FCHSD2: variants seen among roughly 807,000 people sequenced by gnomAD.
FCHSD2 encodes the protein F-BAR and double SH3 domains protein 2.
Under a neutral mutation model 108.1 loss-of-function variants are expected in FCHSD2, and 38 were observed. The observed-to-expected ratio is 0.35, with a 90% CI of 0.27 to 0.46. The LOEUF is 0.46. Among genes scored for constraint, FCHSD2 ranks in the 20% least tolerant of loss-of-function variants. The probability of loss-of-function intolerance (pLI) is 1.00; values close to 1 mark genes in which losing one functional copy is unlikely to be tolerated. For missense variants in FCHSD2, 751 were observed against 897.8 expected (o/e 0.84, Z 2.09); for synonymous variants, 279 against 314.7 (o/e 0.89, Z 1.20).
chr11:72,989,918 C>T (rs1857378586), intron 5 of FCHSD2, among the ~76,000 whole-genome samples: 1 of 152,110 alleles, frequency 6.6e-6, no homozygotes, highest in South Asian at 2.1e-4. Context: ...CAGGAGGAGA[C>T]ACTGGTGAAG....
At position 72,902,560 on chromosome 11, in the gene FCHSD2, G is replaced by C. The variant is rs1306986639; in HGVS notation, c.907C>G (p.Pro303Ala). The change falls in exon 10 of 20, where the codon CCT becomes GCT. Residue 303 changes from proline to alanine, a missense_variant. Pro to Ala is a conservative substitution (Grantham distance 27). Coordinates refer to ENST00000409418, the MANE Select transcript of FCHSD2 (RefSeq NM_014824.3). ...FHKPQPFQFQ[P>A]CDSDTSRQLE... The stretch of plus-strand genomic sequence containing the variant: ...TCCCTTACAGTATCACTGTCACAAG[G>C]CTGGAACTGGAAGGGCTGGGGTTTG... 6.3e-6 allele frequency: 10 copies of C among 1,583,232 alleles called. No homozygotes were observed. The highest frequency in any genetic ancestry group is 7.7e-6 in the Non-Finnish European group (9 of 1,163,162).
intron 2 of FCHSD2, among the ~76,000 whole-genome samples, chr11:73,100,334 TTTGTTGTTGTTGTTGTTGTTG>T (rs56104404): frequency 1.3e-5 from 2 of 148,952 alleles, no homozygotes; most frequent in Admixed American, 6.7e-5. Context: ...TTTACATGCT[TTTGTTGTTGTTGTTGTTGTTG>T]TTGTTGTTGT....
intron 8 of FCHSD2, among the ~76,000 whole-genome samples, chr11:72,947,126 A>G (rs960738373): frequency 2.0e-5 from 3 of 152,248 alleles, no homozygotes; most frequent in African/African-American, 7.2e-5. Context: ...CATGGGGCCA[A>G]CATCTCTTAA....
chr11:73,099,626 G>A (rs926973724), intron 2 of FCHSD2, among the ~76,000 whole-genome samples: 1 of 152,236 alleles, frequency 6.6e-6, no homozygotes, highest in African/African-American at 2.4e-5. Flanking sequence ...CACAAATGCA[G>A]TAAAACACTG....
At chr11:72,887,678 C>A in intron 11 of FCHSD2, 104 bp from the exon 12 acceptor site, 1 of 668,510 alleles carries the variant, frequency 1.5e-6, no homozygotes, top group Non-Finnish European at 2.4e-6. Flanking sequence ...TGACTAGTAG[C>A]CATAATTTTT....
rs1426451027 is a variant in FCHSD2, at chr11:73,140,058, G to C, written c.92C>G (p.Ala31Gly). The C allele has an allele frequency of 4.5e-6, 7 of 1,544,400 alleles. No individual in the cohort carries two copies. Among genetic ancestry groups the C allele is most frequent in the Non-Finnish European group, 5.2e-6 (6 of 1,142,908 alleles). ...CATATCTTCAAGCAAATCACATTCT[G>C]CTTGATGTTTGGCTTGAAGTTTTGT... ...QMTKLQAKHQ[A>G]ECDLLEDMRT... Residue 31 changes from alanine (A) to glycine (G), a missense_variant, in exon 2 of 20, where the codon GCA becomes GGA. Coordinates refer to ENST00000409418, the MANE Select transcript of FCHSD2 (RefSeq NM_014824.3).
chr11:72,908,172 G>A (rs1165430239), intron 9 of FCHSD2, among the ~76,000 whole-genome samples: 2 of 152,130 alleles, frequency 1.3e-5, no homozygotes, highest in East Asian at 3.8e-4. Flanking sequence ...TTAACATAAT[G>A]ACCTCCAGTT....
At chr11:72,849,516 A>G (rs1026453973) in intron 14 of FCHSD2, among the ~76,000 whole-genome samples, 5 of 152,204 alleles carry the variant, frequency 3.3e-5, no homozygotes, top group East Asian at 1.9e-4. Context: ...CTGAGCTTCA[A>G]TGAGGAGCAG....
chr11:72,892,107 T>C (rs912678464), intron 10 of FCHSD2, among the ~76,000 whole-genome samples: 1 of 152,212 alleles, frequency 6.6e-6, no homozygotes, highest in Admixed American at 6.5e-5. Flanking sequence ...AGGCAACTGA[T>C]AGAGACATTT....
intron 12 of FCHSD2, among the ~76,000 whole-genome samples, chr11:72,879,999 CAAAAAAAAAAAAAA>C (rs541384964): frequency 1.6e-5 from 1 of 63,178 alleles, no homozygotes; most frequent in Admixed American, 1.9e-4. Context: ...AATTCTGTCT[CAAAAAAAAAAAAAA>C]AAAAAAAAGT....
chr11:73,113,229 T>C (rs1438163400), intron 2 of FCHSD2, among the ~76,000 whole-genome samples: 1 of 152,116 alleles, frequency 6.6e-6, no homozygotes, highest in Non-Finnish European at 1.5e-5. Context: ...TTATCTCGAA[T>C]TTCTTAGAGT....
chr11:72,962,900 G>A (rs1233082614), intron 8 of FCHSD2, among the ~76,000 whole-genome samples: 1 of 152,126 alleles, frequency 6.6e-6, no homozygotes, highest in Admixed American at 6.5e-5. Context: ...CTCTGGATGA[G>A]TGACAGTATT....
At position 72,867,856 on chromosome 11, in the gene FCHSD2, A is replaced by G; in HGVS notation, c.1308+9T>C. On this transcript the variant is annotated intron_variant, in intron 13 of 19. Coordinates refer to ENST00000409418, the MANE Select transcript of FCHSD2 (RefSeq NM_014824.3). ...ATCAACTTGTCATATCCAAGAAAAGAAATCGTACCGAGTGTAAAGTGCCAT... is the reference window on the plus strand; with the variant it reads ...ATCAACTTGTCATATCCAAGAAAAGGAATCGTACCGAGTGTAAAGTGCCAT... 6.2e-7 allele frequency: 1 copy of G among 1,608,980 alleles called. No individual in the cohort carries two copies. Among genetic ancestry groups the G allele is most frequent in the Middle Eastern group, 1.7e-4 (1 of 6,050 alleles).
intron 2 of FCHSD2, among the ~76,000 whole-genome samples, chr11:73,121,178 C>A (rs560674816): frequency 6.6e-6 from 1 of 151,938 alleles, no homozygotes; most frequent in Non-Finnish European, 1.5e-5. Context: ...TACACATACA[C>A]ACACACACAC....
At chr11:73,078,796 G>C (rs1796730958) in intron 3 of FCHSD2, among the ~76,000 whole-genome samples, 1 of 152,134 alleles carries the variant, frequency 6.6e-6, no homozygotes, top group Non-Finnish European at 1.5e-5. Flanking sequence ...ACAGCTCACT[G>C]CAGCCTTGAA....
intron 2 of FCHSD2, among the ~76,000 whole-genome samples, chr11:73,110,385 C>G (rs549681651): frequency 6.6e-6 from 1 of 152,126 alleles, no homozygotes; most frequent in South Asian, 2.1e-4. Flanking sequence ...TTGCTCTGTT[C>G]AGGTTTTGGA....
At chr11:73,051,651 T>A (rs1858900056) in intron 3 of FCHSD2, among the ~76,000 whole-genome samples, 1 of 152,176 alleles carries the variant, frequency 6.6e-6, no homozygotes, top group Non-Finnish European at 1.5e-5. Context: ...CTATGGGTTA[T>A]CTGCAGAGAT....
rs141562392 is a variant in FCHSD2, at chr11:72,951,379, G to A, written c.706-29429C>T. 5.0e-4 allele frequency among the ~76,000 whole-genome samples: 76 copies of A among 152,234 alleles called. 1 individual carries two copies. Among genetic ancestry groups the A allele is most frequent in the Non-Finnish European group, 5.9e-5 (4 of 68,012 alleles). On this transcript the variant is annotated intron_variant, in intron 8 of 19. Transcript: ENST00000409418. The stretch of plus-strand genomic sequence containing the variant: ...CTTGTTACACTATGACAAAACATCT[G>A]GCATATGATAACACAGCAAACGAGA...
intron 4 of FCHSD2, among the ~76,000 whole-genome samples, chr11:73,009,853 T>A (rs1857823947): frequency 6.6e-6 from 1 of 152,198 alleles, no homozygotes; most frequent in African/African-American, 2.4e-5. Flanking sequence ...TGATGTTAGA[T>A]AGTTTGACTA....
Sources: allele counts gnomAD v4.1 joint callset (sites outside exome capture counted in the v4.1 genomes callset), GRCh38; gene constraint gnomAD v4.1.1; transcripts MANE v1.5; gene names NCBI Gene and HGNC (gene_info 2026-07-23, HGNC 2026-07-21).